Variants in RBFOX2 observed in about 807,000 individuals in gnomAD.
RBFOX2 encodes the protein RNA binding fox-1 homolog 2.
In RBFOX2, 10 loss-of-function variants were observed where a neutral mutation model predicts 49.1. The observed-to-expected ratio is 0.20, with a 90% CI of 0.13 to 0.35. RBFOX2 has a LOEUF of 0.35. Ranked by LOEUF, RBFOX2 falls within the 10% of genes least tolerant of loss-of-function variation. The pLI is 1.00. For synonymous variants in RBFOX2, 183 were observed against 187.4 expected (o/e 0.98, Z 0.19); for missense variants, 323 against 486.9 (o/e 0.66, Z 3.17).
intron 1 of RBFOX2, among the ~76,000 whole-genome samples, chr22:35,886,841 G>T (rs555953628): frequency 1.3e-5 from 2 of 152,314 alleles, no homozygotes; most frequent in South Asian, 4.1e-4. Flanking sequence ...CGACTGTACA[G>T]TTTTCCAGAA....
intron 1 of RBFOX2, among the ~76,000 whole-genome samples, chr22:35,836,056 AAAAC>A (rs763901065): frequency 1.3e-5 from 2 of 152,144 alleles, no homozygotes; most frequent in African/African-American, 2.4e-5. Context: ...AAAGTGTGCC[AAAAC>A]AAACAGTGTG....
chr22:35,961,757 C>G (rs962271637), upstream of RBFOX2: 16 of 1,201,904 alleles, frequency 1.3e-5, no homozygotes, highest in African/African-American at 2.4e-4. Flanking sequence ...ACACCACCCG[C>G]CCCAAAAAGA....
intron 2 of RBFOX2, among the ~76,000 whole-genome samples, chr22:35,805,634 C>T (rs1299469138): frequency 1.3e-5 from 2 of 152,090 alleles, no homozygotes; most frequent in Non-Finnish European, 2.9e-5. Flanking sequence ...GTATTTACCC[C>T]AAGAAGTTCA....
At chr22:35,859,930 G>A (rs1304067960) in intron 1 of RBFOX2, among the ~76,000 whole-genome samples, 1 of 152,134 alleles carries the variant, frequency 6.6e-6, no homozygotes, top group Non-Finnish European at 1.5e-5. Context: ...AAAACTTTCA[G>A]AGCAGGAAAT....
intron 6 of RBFOX2, among the ~76,000 whole-genome samples, chr22:35,764,763 A>G (rs981098982): frequency 6.6e-6 from 1 of 152,144 alleles, no homozygotes; most frequent in Non-Finnish European, 1.5e-5. Context: ...CAAAACCACC[A>G]CTGGGCTACA....
At position 35,839,896 on chromosome 22, in the gene RBFOX2, G is replaced by A. The variant is rs1010510074; in HGVS notation, c.27+296C>T. Among the ~76,000 whole-genome samples the A allele has an allele frequency of 2.0e-5, 3 of 152,250 alleles. No individual in the cohort carries two copies. The East Asian group carries it at 5.8e-4, about 29-fold the overall frequency. On this transcript the variant is annotated intron_variant, in intron 1 of 11. Transcript: ENST00000405409. ...GTCTTTCTCTCCCTCCCTCTTCTCA[G>A]AACCAAGACAAAGAGGTAGACAAAT...
intron 1 of RBFOX2, among the ~76,000 whole-genome samples, chr22:35,893,112 T>A (rs2047439379): frequency 6.6e-6 from 1 of 152,260 alleles, no homozygotes; most frequent in South Asian, 2.1e-4. Flanking sequence ...TACCCAAGCC[T>A]TCAGGTGTCA....
intron 1 of RBFOX2, among the ~76,000 whole-genome samples, chr22:35,961,198 G>A (rs1181866723): frequency 6.6e-6 from 1 of 152,124 alleles, no homozygotes; most frequent in African/African-American, 2.4e-5. Flanking sequence ...TTAACTGCAT[G>A]CAGCACCATA....
At chr22:35,881,683 G>A (rs930656269) in intron 1 of RBFOX2, among the ~76,000 whole-genome samples, 1 of 150,880 alleles carries the variant, frequency 6.6e-6, no homozygotes, top group Non-Finnish European at 1.5e-5. Context: ...ACTTAGGGCC[G>A]GGCACAGTGG....
chr22:36,027,903 G>A (rs2059508531), intron 1 of RBFOX2, among the ~76,000 whole-genome samples: 1 of 152,034 alleles, frequency 6.6e-6, no homozygotes, highest in African/African-American at 2.4e-5. Flanking sequence ...GAGAAGCCAG[G>A]ATTTCCCGGC....
chr22:36,013,795 GA>G (rs1875504195), intron 1 of RBFOX2, among the ~76,000 whole-genome samples: 5 of 152,270 alleles, frequency 3.3e-5, no homozygotes, highest in Admixed American at 1.3e-4. Flanking sequence ...AAAAAGAAAG[GA>G]GGGGGGATAA....
intron 1 of RBFOX2, among the ~76,000 whole-genome samples, chr22:35,991,676 AG>A (rs1373192735): frequency 2.8e-4 from 43 of 152,316 alleles, no homozygotes; most frequent in African/African-American, 1.0e-3. Flanking sequence ...AGATTCTGCA[AG>A]GAAGAAACCA....
chr22:35,981,641 CAAAAAAA>C (rs879304923), intron 1 of RBFOX2, among the ~76,000 whole-genome samples: 3 of 96,664 alleles, frequency 3.1e-5, no homozygotes, highest in Non-Finnish European at 6.6e-5. Flanking sequence ...GACTCCATTT[CAAAAAAA>C]AAAAAAAAAT....
chr22:35,854,596 G>GA (rs970060298), intron 1 of RBFOX2, among the ~76,000 whole-genome samples: 121 of 138,246 alleles, frequency 8.8e-4, no homozygotes, highest in African/African-American at 1.4e-3. Context: ...CCTGTCTCTT[G>GA]AAAAAAAAAA....
At chr22:35,787,512 G>T (rs1169807834) in intron 2 of RBFOX2, among the ~76,000 whole-genome samples, 4 of 152,114 alleles carry the variant, frequency 2.6e-5, no homozygotes, top group Non-Finnish European at 5.9e-5. Context: ...AGTAGAAATA[G>T]GAATAGAAAA....
At chr22:35,905,247 G>A (rs1481022437) in intron 1 of RBFOX2, among the ~76,000 whole-genome samples, 1 of 152,028 alleles carries the variant, frequency 6.6e-6, no homozygotes, top group Non-Finnish European at 1.5e-5. Flanking sequence ...TATGTTAGAG[G>A]CAGCCAACAT....
At chr22:35,943,598 CA>C (rs796513917), upstream of RBFOX2, among the ~76,000 whole-genome samples, 2 of 152,166 alleles carry the variant, frequency 1.3e-5, no homozygotes, top group South Asian at 2.1e-4. Context: ...AAGTAACTAT[CA>C]AAAAAACCCC....
In RBFOX2 at chr22:35,804,423, A is replaced by T. The variant is rs186150276; in HGVS notation, c.252+5357T>A. ...AAGAGAACCCAAGTATGATAAAAAC[A>T]AAGAGATCCACTCCTAGACACATCA... On this transcript the variant is annotated intron_variant, in intron 2 of 11. Transcript: ENST00000405409. Among the ~76,000 whole-genome samples, 16 of 152,346 alleles carry T rather than the reference A, an allele frequency of 1.1e-4. No homozygotes were observed. In the East Asian group the frequency reaches 3.1e-3, roughly 29 times the overall value.
chr22:35,968,378 C>T (rs996146688), intron 1 of RBFOX2, among the ~76,000 whole-genome samples: 7 of 152,164 alleles, frequency 4.6e-5, no homozygotes, highest in Non-Finnish European at 5.9e-5. Context: ...CTCTTAAACA[C>T]ACAGAACGGG....
Sources: gnomAD v4.1 joint callset for allele counts (sites outside exome capture counted in the v4.1 genomes callset) on GRCh38, gnomAD v4.1.1 for gene constraint, MANE v1.5 for transcripts, NCBI Gene and HGNC (gene_info 2026-07-23, HGNC 2026-07-21) for gene names.